The following NFS1 variants were observed in gnomAD, a reference collection of about 807,000 sequenced individuals.
The protein encoded by NFS1 is NFS1 cysteine desulfurase.
NFS1 carries 26 observed loss-of-function variants against 57.3 expected under a neutral mutation model. That is an observed-to-expected ratio of 0.45 (90% CI 0.33 to 0.63). NFS1 has a LOEUF of 0.63. NFS1 is among the 20% of genes least tolerant of loss of function. The pLI, the probability that NFS1 is intolerant of heterozygous loss-of-function variation, is 0.02. For synonymous variants in NFS1, 209 were observed against 216.3 expected, an observed-to-expected ratio of 0.97 and a Z score of 0.30; for missense variants, 505 against 605.8, an observed-to-expected ratio of 0.83 and a Z score of 1.75.
intron 5 of NFS1, among the ~76,000 whole-genome samples, chr20:35,683,332 A>AT (rs2034883026): frequency 1.3e-5 from 2 of 150,980 alleles, no homozygotes; most frequent in Admixed American, 1.3e-4. Context: ...AAATACAAAA[A>AT]TTAGCCGGGC....
At position 35,694,239 on chromosome 20, in the gene NFS1, G is replaced by A. The variant is rs527685953; in HGVS notation, c.408+2138C>T. 5.5e-4 allele frequency among the ~76,000 whole-genome samples: 84 copies of A among 151,872 alleles called. 1 individual carries two copies. Among genetic ancestry groups the A allele is most frequent in the Admixed American group, 2.9e-3 (45 of 15,256 alleles). On this transcript the variant is annotated intron_variant, in intron 4 of 12. Transcript: ENST00000374092. The stretch of plus-strand genomic sequence containing the variant: ...CTGCAACTGCAACCTCTGCCTCCTG[G>A]GTTCAACTGATTCTCCTGCCTCAGC...
Position 35,669,409 on chromosome 20 carries a change from A to T in NFS1, c.*213T>A, listed in dbSNP as rs1601513632. 2 of 520,338 alleles carry T rather than the reference A, an allele frequency of 3.8e-6. No homozygotes were observed. Among genetic ancestry groups the T allele is most frequent in the Non-Finnish European group, 7.0e-6 (2 of 286,606 alleles). The allele number at this position is 520,338 out of a possible 1,614,324, so 32.2% of individuals were successfully genotyped here. ...GATGAAAATGTCCACACACTTTAAG[A>T]CCCGAGAAGAAATGGGGAGTGCTCC... On this transcript the variant is annotated 3_prime_UTR_variant, in exon 13 of 13. Coordinates refer to ENST00000374092, the MANE Select transcript of NFS1 (RefSeq NM_021100.5).
At chr20:35,673,470 C>G in intron 11 of NFS1, 131 bp downstream of exon 11, 1 of 694,262 alleles carries the variant, frequency 1.4e-6, no homozygotes, top group Non-Finnish European at 2.4e-6. Context: ...GAAACTTTCA[C>G]AAGGTTATGA....
intron 5 of NFS1, among the ~76,000 whole-genome samples, chr20:35,684,486 C>T (rs2034906257): frequency 6.6e-6 from 1 of 151,150 alleles, no homozygotes; most frequent in Non-Finnish European, 1.5e-5. Context: ...CATGGTGGCT[C>T]ACGCCTGGAA....
intron 12 of NFS1, among the ~76,000 whole-genome samples, chr20:35,671,797 G>A (rs2034659702): frequency 6.6e-6 from 1 of 151,708 alleles, no homozygotes. Flanking sequence ...GGCTGAGGTG[G>A]GAGGATCACT....
rs370703105 is a variant in NFS1 at position 35,698,594 on chromosome 20, A to T, written c.98-4T>A. ...GACTGAGGAGCACGGTCTCCAACTG[A>T]TAAAAAATGGAACGGAGTAGCCAAG... On this transcript the variant is annotated splice_polypyrimidine_tract_variant and splice_region_variant and intron_variant, in intron 1 of 12. Transcript: ENST00000374092. The T allele has an allele frequency of 3.3e-4, 525 of 1,593,930 alleles. No homozygotes were observed. Among genetic ancestry groups the T allele is most frequent in the Non-Finnish European group, 4.2e-4 (491 of 1,173,908 alleles).
At chr20:35,687,245 G>C (rs1017677051) in intron 5 of NFS1, among the ~76,000 whole-genome samples, 2 of 152,178 alleles carry the variant, frequency 1.3e-5, no homozygotes, top group African/African-American at 2.4e-5. Context: ...TTATCTGGAG[G>C]CCTAACCGTC....
At chr20:35,672,172 A>T (rs911410802) in intron 12 of NFS1, among the ~76,000 whole-genome samples, 4 of 150,594 alleles carry the variant, frequency 2.7e-5, no homozygotes, top group African/African-American at 9.8e-5. Context: ...GTTAGCCAGG[A>T]TGGTCTCGAT....
At chr20:35,697,624 C>T in intron 3 of NFS1, 60 bp downstream of exon 3, 2 of 1,094,332 alleles carry the variant, frequency 1.8e-6, no homozygotes, top group East Asian at 2.5e-5. Context: ...GAAAGAAATG[C>T]CTCCCACAGG....
intron 12 of NFS1, among the ~76,000 whole-genome samples, 188 bp from the exon 13 acceptor site, chr20:35,669,873 G>C (rs73616691): frequency 1.3e-5 from 2 of 152,142 alleles, no homozygotes; most frequent in African/African-American, 4.8e-5. Flanking sequence ...GTCCTTGTCA[G>C]CTCTCCTGAG....
chr20:35,673,601 C>A lies in NFS1; in HGVS notation c.1220G>T (p.Arg407Met), dbSNP rs1051344207. Reference sequence around the variant, plus strand: ...AAATGTTGCAGCTCAACTCACTGACCTGATAGAAGAGTGCGCTAAATCCTC... The same window carrying A: ...AAATGTTGCAGCTCAACTCACTGACATGATAGAAGAGTGCGCTAAATCCTC... ...TDEDLAHSSI[R>M]FGIGRFTTEE... is the part of the protein sequence containing the mutation. The change falls in exon 11 of 13, where the codon AGG becomes ATG. Residue 407 changes from arginine (R) to methionine (M), a missense_variant and splice_region_variant. Transcript: ENST00000374092. 1 of 1,613,072 alleles carries A rather than the reference C, an allele frequency of 6.2e-7. No individual in the cohort carries two copies.
chr20:35,669,553 G>T lies in NFS1; in HGVS notation c.*69C>A, dbSNP rs2034618377. 7.3e-7 allele frequency: 1 copy of T among 1,376,306 alleles called. No individual in the cohort carries two copies. The highest frequency in any genetic ancestry group is 1.0e-6 in the Non-Finnish European group (1 of 963,562). 85.3% of individuals were successfully genotyped at this position (1,376,306 alleles called of 1,614,324 possible). ...TAGAGCATCCACTAGGTGTAACAAG[G>T]TGTCTGGTTGTGCACGGGTTGGTGA... On this transcript the variant is annotated 3_prime_UTR_variant, in exon 13 of 13. Coordinates refer to ENST00000374092, the MANE Select transcript of NFS1 (RefSeq NM_021100.5).
rs1422695573 is a variant in NFS1 at position 35,673,741 on chromosome 20, C to T, written c.1137-57G>A. Reference sequence around the variant, plus strand: ...CATCATCAACGTCTACTTTTAGTCACAAACCCTCAGTCTTGTTCCCATCCC... The same window carrying T: ...CATCATCAACGTCTACTTTTAGTCATAAACCCTCAGTCTTGTTCCCATCCC... On this transcript the variant is annotated intron_variant, in intron 10 of 12. Transcript: ENST00000374092. 28 of 1,408,134 alleles carry T rather than the reference C, an allele frequency of 2.0e-5. No homozygotes were observed. The Middle Eastern group carries it at 5.3e-4, about 27-fold the overall frequency. The allele number at this position is 1,408,134 out of a possible 1,614,324, so 87.2% of individuals were successfully genotyped here. A position where few individuals can be genotyped will look rare whatever the true frequency, so the allele number is the denominator to read the frequency against.
At chr20:35,677,756 G>A (rs192187979) in intron 7 of NFS1, among the ~76,000 whole-genome samples, 117 of 152,266 alleles carry the variant, frequency 7.7e-4, no homozygotes, top group Admixed American at 2.9e-3. Context: ...TTTCCAAATC[G>A]ATTATGAAGG....
At chr20:35,682,022 A>T in intron 5 of NFS1, 41 bp from the exon 6 acceptor site, 1 of 1,184,558 alleles carries the variant, frequency 8.4e-7, no homozygotes, top group South Asian at 1.2e-5. Flanking sequence ...TAGTACAAAC[A>T]AAGTCCTCCT....
At chr20:35,692,183 T>C in intron 4 of NFS1, 2 of 225,286 alleles carry the variant, frequency 8.9e-6, no homozygotes, top group Admixed American at 5.6e-5. Context: ...CAAAACTCTG[T>C]CTCAAAAAAT....
intron 12 of NFS1, among the ~76,000 whole-genome samples, chr20:35,671,650 G>C (rs1391254707): frequency 6.6e-6 from 1 of 152,040 alleles, no homozygotes; most frequent in African/African-American, 2.4e-5. Context: ...AGCACTTTGG[G>C]AGGCCAAGAC....
intron 8 of NFS1, 193 bp downstream of exon 8, chr20:35,674,852 C>G: frequency 1.4e-6 from 1 of 739,138 alleles, no homozygotes; most frequent in Non-Finnish European, 2.2e-6. Flanking sequence ...GAGCTGATAA[C>G]TACTAAAAGG....
At chr20:35,687,229 C>T (rs1401131008) in intron 5 of NFS1, among the ~76,000 whole-genome samples, 3 of 152,162 alleles carry the variant, frequency 2.0e-5, no homozygotes, top group Non-Finnish European at 2.9e-5. Context: ...TCAGGCCTGC[C>T]CGCAGTTATC....
Sources: gnomAD v4.1 joint callset for allele counts (sites outside exome capture counted in the v4.1 genomes callset) on GRCh38, gnomAD v4.1.1 for gene constraint, MANE v1.5 for transcripts, NCBI Gene and HGNC (gene_info 2026-07-23, HGNC 2026-07-21) for gene names.